ANKRD30B: variants seen among roughly 807,000 people sequenced by gnomAD.
The protein encoded by ANKRD30B is ankyrin repeat domain-containing protein 30B.
ANKRD30B carries 144 observed loss-of-function variants against 202.2 expected under a neutral mutation model. The ratio of observed to expected loss-of-function variants is 0.71; its 90% CI spans 0.62 to 0.82. The LOEUF (loss-of-function observed/expected upper bound fraction) is 0.82. Among genes scored for constraint, ANKRD30B ranks in the 40% least tolerant of loss-of-function variants. ANKRD30B has a pLI of 0.00. For missense variants in ANKRD30B, 1,487 were observed against 1,669.1 expected (o/e 0.89, Z 1.90); for synonymous variants, 508 against 561.3 (o/e 0.91, Z 1.34).
rs551819888 is a variant in ANKRD30B at position 14,748,349 on chromosome 18, G to A, written c.-71G>A. 2 of 1,303,926 alleles carry A rather than the reference G, an allele frequency of 1.5e-6. No homozygotes were observed. Among genetic ancestry groups the A allele is most frequent in the Middle Eastern group, 2.2e-4 (1 of 4,610 alleles). 80.8% of individuals were successfully genotyped at this position (1,303,926 alleles called of 1,614,324 possible). On this transcript the variant is annotated 5_prime_UTR_variant, in exon 1 of 44. Transcript: ENST00000690538. ...TGCTGGGGAAGGGTAAGCGGGAAGC[G>A]AGGGCGAGGGGTAGGGGCTGGGGAA...
chr18:14,778,951 T>G (rs1488931360), intron 10 of ANKRD30B, among the ~76,000 whole-genome samples: 1 of 152,158 alleles, frequency 6.6e-6, no homozygotes, highest in Admixed American at 6.5e-5. Context: ...GAAATGGTAA[T>G]TACAGATGTC....
chr18:14,811,669 G>GT (rs1173166396), intron 28 of ANKRD30B, among the ~76,000 whole-genome samples: 1 of 88,782 alleles, frequency 1.1e-5, no homozygotes, highest in Non-Finnish European at 2.2e-5. Flanking sequence ...TGCATAGGTG[G>GT]TTGTACAGTG....
intron 15 of ANKRD30B, 115 bp from the exon 16 acceptor site, chr18:14,791,286 T>C (rs1479450613): frequency 3.6e-6 from 3 of 830,080 alleles, no homozygotes; most frequent in African/African-American, 3.5e-5. Context: ...TTAAGTCGAA[T>C]TGTTTGCAAA....
chr18:14,899,415 G>T, the ANKRD30B span, among the ~76,000 whole-genome samples: 4 of 152,096 alleles, frequency 2.6e-5, no homozygotes, highest in South Asian at 8.3e-4. Flanking sequence ...CTAGTTTTGG[G>T]ATCTAATCAT....
the ANKRD30B span, among the ~76,000 whole-genome samples, chr18:14,866,068 A>T: frequency 6.6e-6 from 1 of 152,196 alleles, no homozygotes; most frequent in East Asian, 1.9e-4. Flanking sequence ...GAGTATGAAA[A>T]TAAAGTCCAA....
At chr18:14,777,372 A>G (rs967557301) in intron 9 of ANKRD30B, among the ~76,000 whole-genome samples, 14 of 151,912 alleles carry the variant, frequency 9.2e-5, no homozygotes, top group Non-Finnish European at 1.6e-4. Flanking sequence ...ATCTCAGCTG[A>G]CTACAACCTC....
intron 16 of ANKRD30B, among the ~76,000 whole-genome samples, chr18:14,794,090 A>G (rs1473061465): frequency 6.6e-6 from 1 of 152,176 alleles, no homozygotes; most frequent in Non-Finnish European, 1.5e-5. Context: ...ATACATTTCA[A>G]TAGCCATTAC....
chr18:14,867,725 C>CA, the ANKRD30B span, among the ~76,000 whole-genome samples: 1 of 152,114 alleles, frequency 6.6e-6, no homozygotes, highest in Non-Finnish European at 1.5e-5. Flanking sequence ...CAGGGAGCCC[C>CA]GGGCACTGTG....
rs1336768069 is a variant in ANKRD30B, at chr18:14,837,206, A to C, written c.2848-5A>C. On this transcript the variant is annotated splice_polypyrimidine_tract_variant and splice_region_variant and intron_variant, in intron 34 of 43. Coordinates refer to ENST00000690538, the MANE Select transcript of ANKRD30B (RefSeq NM_001367607.2). ...TGTTTGCTTTCTGTGTTTTGTTTGTAATAGGAGGGAGCAACAAAGACAGTA... is the reference window on the plus strand; with the variant it reads ...TGTTTGCTTTCTGTGTTTTGTTTGTCATAGGAGGGAGCAACAAAGACAGTA... The C allele has an allele frequency of 2.6e-6, 4 of 1,538,792 alleles. No homozygotes were observed. The highest frequency in any genetic ancestry group is 3.5e-6 in the Non-Finnish European group (4 of 1,139,906).
intron 14 of ANKRD30B, among the ~76,000 whole-genome samples, 182 bp downstream of exon 14, chr18:14,784,717 T>A (rs903280647): frequency 3.3e-5 from 5 of 150,704 alleles, no homozygotes; most frequent in Admixed American, 1.3e-4. Flanking sequence ...TTCAATATAT[T>A]TTTTTTAAAA....
chr18:14,796,518 G>A (rs1458918176), intron 18 of ANKRD30B, 103 bp downstream of exon 18: 11 of 1,366,816 alleles, frequency 8.0e-6, no homozygotes, highest in East Asian at 5.1e-5. Flanking sequence ...TGAAAATTTG[G>A]TGGGAAAATT....
At chr18:14,876,359 A>T in the ANKRD30B span, among the ~76,000 whole-genome samples, 5 of 152,184 alleles carry the variant, frequency 3.3e-5, no homozygotes, top group Non-Finnish European at 7.3e-5. Context: ...GCATGGCACA[A>T]ATTTCAGATG....
At chr18:14,781,909 G>A (rs1345303567) in intron 11 of ANKRD30B, among the ~76,000 whole-genome samples, 2 of 152,172 alleles carry the variant, frequency 1.3e-5, no homozygotes, top group Non-Finnish European at 2.9e-5. Flanking sequence ...AAGCACTTAA[G>A]CACCTGTGGT....
chr18:14,808,570 TC>T lies in ANKRD30B; in HGVS notation c.2305del (p.Leu769PhefsTer2), dbSNP rs1159027149. 1 of 1,542,194 alleles carries T rather than the reference TC, an allele frequency of 6.5e-7. No individual in the cohort carries two copies. The highest frequency in any genetic ancestry group is 8.9e-7 in the Non-Finnish European group (1 of 1,119,852). On this transcript the variant is annotated frameshift_variant, in exon 25 of 44. Coordinates refer to ENST00000690538, the MANE Select transcript of ANKRD30B (RefSeq NM_001367607.2). LOFTEE classifies it high-confidence loss of function. ...TTTTAGAGTCTCCTGATAAAGATGGTCTTCTGAAGGTAATTACTTTTATATT... is the reference window on the plus strand; with the variant it reads ...TTTTAGAGTCTCCTGATAAAGATGGTTTCTGAAGGTAATTACTTTTATATT... ...KLEESPDKDG[L>X]LKPTCGRKVS...
In ANKRD30B at chr18:14,772,253, A is replaced by G. The variant is rs1346283302; in HGVS notation, c.1329+25A>G. ...GGTAAAATGTTCTTTTGTGAAGTTG[A>G]TTTTCTCAGTTGCAATATATTTCTG... On this transcript the variant is annotated intron_variant, in intron 9 of 43. Coordinates refer to ENST00000690538, the MANE Select transcript of ANKRD30B (RefSeq NM_001367607.2). The G allele has an allele frequency of 2.1e-6, 3 of 1,412,004 alleles. No homozygotes were observed. In the African/African-American group the frequency reaches 4.3e-5, roughly 20 times the overall value. 87.5% of individuals were successfully genotyped at this position (1,412,004 alleles called of 1,614,324 possible). A position where few individuals can be genotyped will look rare whatever the true frequency, so the allele number is the denominator to read the frequency against.
the ANKRD30B span, among the ~76,000 whole-genome samples, chr18:14,928,474 G>A: frequency 6.6e-6 from 1 of 152,174 alleles, no homozygotes; most frequent in Non-Finnish European, 1.5e-5. Context: ...AAAGAACAAA[G>A]TGGTGGAGGA....
chr18:14,899,101 G>C, the ANKRD30B span, among the ~76,000 whole-genome samples: 2 of 151,948 alleles, frequency 1.3e-5, no homozygotes, highest in African/African-American at 4.8e-5. Flanking sequence ...TTATTTTAGA[G>C]TTTGAATATA....
chr18:14,916,965 A>G, the ANKRD30B span, among the ~76,000 whole-genome samples: 1 of 152,206 alleles, frequency 6.6e-6, no homozygotes, highest in Non-Finnish European at 1.5e-5. Flanking sequence ...GTCGGTCATC[A>G]GTCTCTAAAT....
At chr18:14,890,991 A>G in the ANKRD30B span, among the ~76,000 whole-genome samples, 8 of 152,112 alleles carry the variant, frequency 5.3e-5, no homozygotes, top group African/African-American at 1.9e-4. Flanking sequence ...TGACACACTA[A>G]ATAAAGTAAA....
Sources: gnomAD v4.1 joint callset for allele counts (sites outside exome capture counted in the v4.1 genomes callset) on GRCh38, gnomAD v4.1.1 for gene constraint, MANE v1.5 for transcripts, NCBI Gene and HGNC (gene_info 2026-07-23, HGNC 2026-07-21) for gene names.